Variants in OSBPL10 observed in about 807,000 individuals in gnomAD.
The protein encoded by OSBPL10 is oxysterol-binding protein-related protein 10.
In OSBPL10, 49 loss-of-function variants were observed where a neutral mutation model predicts 81.7. The observed-to-expected ratio is 0.60, with a 90% CI of 0.48 to 0.76. The LOEUF is 0.76. OSBPL10 is among the 30% of genes least tolerant of loss of function. The pLI is 0.00. For missense variants in OSBPL10, 923 were observed against 987.8 expected (o/e 0.93, Z 0.88); for synonymous variants, 419 against 383.6 (o/e 1.09, Z -1.08).
At chr3:31,747,239 A>C (rs935449309) in intron 5 of OSBPL10, among the ~76,000 whole-genome samples, 5 of 151,562 alleles carry the variant, frequency 3.3e-5, no homozygotes, top group African/African-American at 1.2e-4. Flanking sequence ...AATCTCTTGA[A>C]CCCAGGAGGC....
intron 5 of OSBPL10, among the ~76,000 whole-genome samples, chr3:31,744,032 T>C (rs1015578835): frequency 3.9e-5 from 6 of 152,208 alleles, no homozygotes; most frequent in African/African-American, 1.4e-4. Flanking sequence ...CCAACTATGA[T>C]GCTTTTCCTG....
At chr3:32,026,057 T>TAGATAGATGATAGATA (rs58717718) in intron 2 of OSBPL10, among the ~76,000 whole-genome samples, 127 of 111,332 alleles carry the variant, frequency 1.1e-3, no homozygotes, top group African/African-American at 2.6e-3. Flanking sequence ...GATAGATAGA[T>TAGATAGATGATAGATA]GATAGATAGA....
chr3:32,019,945 T>C (rs911149652), intron 2 of OSBPL10, among the ~76,000 whole-genome samples: 3 of 152,170 alleles, frequency 2.0e-5, no homozygotes, highest in African/African-American at 2.4e-5. Flanking sequence ...TGGTTCTAGA[T>C]ATGTGGATCA....
Position 31,830,195 on chromosome 3 carries a change from G to A in OSBPL10, c.574C>T (p.Leu192Phe), listed in dbSNP as rs778450609. ...GCAGAATTGGGTGTTCCATGTGGGA[G>A]CAAAGTGAGACTTCGGCTTCGGGAG... is the stretch of plus-strand genomic sequence containing the variant. ...PSSRSRSLTL[L>F]PHGTPNSASP... is the part of the protein sequence containing the mutation. Residue 192 changes from leucine (L) to phenylalanine (F), a missense_variant, in exon 4 of 12, where the codon CTC (leucine) becomes TTC (phenylalanine). Coordinates refer to ENST00000396556, the MANE Select transcript of OSBPL10 (RefSeq NM_017784.5). 6 of 1,614,058 alleles carry A rather than the reference G, an allele frequency of 3.7e-6. No homozygotes were observed. Among genetic ancestry groups the A allele is most frequent in the Non-Finnish European group, 4.2e-6 (5 of 1,179,964 alleles).
chr3:32,005,888 A>G (rs762991271), intron 2 of OSBPL10, among the ~76,000 whole-genome samples: 3 of 151,122 alleles, frequency 2.0e-5, no homozygotes, highest in African/African-American at 7.3e-5. Flanking sequence ...GCCCAGCCCA[A>G]TGTTTTTGGC....
chr3:31,735,964 A>G (rs1213817006), intron 5 of OSBPL10, among the ~76,000 whole-genome samples: 1 of 152,196 alleles, frequency 6.6e-6, no homozygotes, highest in South Asian at 2.1e-4. Flanking sequence ...ATGATTTAGC[A>G]AAGAGTGTAC....
chr3:31,782,116 T>C (rs1308423237), intron 4 of OSBPL10, among the ~76,000 whole-genome samples: 1 of 152,066 alleles, frequency 6.6e-6, no homozygotes, highest in Admixed American at 6.6e-5. Context: ...CATAGACCAA[T>C]GGAACAAAAT....
chr3:31,671,021 A>G (rs904421688), intron 8 of OSBPL10, 38 bp from the exon 9 acceptor site: 1 of 1,550,886 alleles, frequency 6.4e-7, no homozygotes, highest in Non-Finnish European at 8.8e-7. Flanking sequence ...GCATGCAAAC[A>G]TGTGAAGAGG....
At chr3:32,066,985 T>TA (rs1699785441) in intron 1 of OSBPL10, among the ~76,000 whole-genome samples, 1 of 152,234 alleles carries the variant, frequency 6.6e-6, no homozygotes, top group Non-Finnish European at 1.5e-5. Flanking sequence ...GACAGCATGA[T>TA]AACGAGGCTC....
At chr3:31,897,373 G>T (rs543830688) in intron 1 of OSBPL10, among the ~76,000 whole-genome samples, 19 of 152,014 alleles carry the variant, frequency 1.2e-4, no homozygotes, top group Admixed American at 3.3e-4. Flanking sequence ...ATCAGGACTG[G>T]ATTTTTAAAA....
At chr3:31,960,458 T>C (rs1168225761) in intron 1 of OSBPL10, 1 of 152,208 alleles carries the variant, frequency 6.6e-6, no homozygotes, top group Non-Finnish European at 1.5e-5. Flanking sequence ...ACTGTGGAAA[T>C]GAGATGCAAT....
At chr3:31,728,764 A>C (rs1238246893) in intron 6 of OSBPL10, among the ~76,000 whole-genome samples, 1 of 152,222 alleles carries the variant, frequency 6.6e-6, no homozygotes, top group African/African-American at 2.4e-5. Flanking sequence ...ATAAAGGGGC[A>C]TGAGGGAATC....
intron 3 of OSBPL10, among the ~76,000 whole-genome samples, chr3:31,844,448 T>C (rs1700577554): frequency 6.6e-6 from 1 of 152,164 alleles, no homozygotes; most frequent in Non-Finnish European, 1.5e-5. Context: ...GACAAATCCA[T>C]ACAATGGAAT....
chr3:31,903,785 A>C (rs947381645), intron 1 of OSBPL10, among the ~76,000 whole-genome samples: 2 of 152,182 alleles, frequency 1.3e-5, no homozygotes, highest in African/African-American at 4.8e-5. Context: ...CTGAAAAATA[A>C]GAGTATATAA....
chr3:31,857,870 GA>G (rs1700964826), intron 3 of OSBPL10, among the ~76,000 whole-genome samples: 1 of 121,342 alleles, frequency 8.2e-6, no homozygotes, highest in African/African-American at 3.0e-5. Flanking sequence ...GGGAGAGGGA[GA>G]GGGAAAGGGG....
At chr3:31,926,289 G>GCCCCCGC (rs1697072325) in intron 1 of OSBPL10, among the ~76,000 whole-genome samples, 1 of 130,114 alleles carries the variant, frequency 7.7e-6, no homozygotes, top group Non-Finnish European at 1.6e-5. Flanking sequence ...GGGTGATTTT[G>GCCCCCGC]CCCCCCCAGA....
intron 5 of OSBPL10, among the ~76,000 whole-genome samples, chr3:31,741,046 C>T (rs77243849): frequency 0.064 from 9,661 of 152,056 alleles, 473 homozygotes; most frequent in African/African-American, 0.13. Flanking sequence ...TATCCTTGGC[C>T]TTATTTTAAG....
At position 31,761,827 on chromosome 3, in the gene OSBPL10, A is replaced by AAAAAAAAAC. The variant is rs996116489; in HGVS notation, c.730-13708_730-13707insGTTTTTTTT. 7.6e-4 allele frequency among the ~76,000 whole-genome samples: 113 copies of AAAAAAAAAC among 149,540 alleles called. 1 individual carries two copies. The highest frequency in any genetic ancestry group is 3.4e-3 in the Middle Eastern group (1 of 292). Reference sequence around the variant, plus strand: ...AAGACTGTCTCTAAAAAAAAAAAAAAAAAACCCTAAAGGGAGTCAGAGAGT... The same window carrying AAAAAAAAAC: ...AAGACTGTCTCTAAAAAAAAAAAAAAAAAAAAAACAAAACCCTAAAGGGAGTCAGAGAGT... On this transcript the variant is annotated intron_variant, in intron 4 of 11. Coordinates refer to ENST00000396556, the MANE Select transcript of OSBPL10 (RefSeq NM_017784.5).
intron 3 of OSBPL10, among the ~76,000 whole-genome samples, chr3:31,847,219 CAG>C (rs1201418864): frequency 4.9e-5 from 7 of 141,876 alleles, no homozygotes; most frequent in Non-Finnish European, 9.1e-5. Context: ...TTTAAAAAGA[CAG>C]AATTTCATTT....
Sources: gnomAD v4.1 joint callset for allele counts (sites outside exome capture counted in the v4.1 genomes callset) on GRCh38, gnomAD v4.1.1 for gene constraint, MANE v1.5 for transcripts, NCBI Gene and HGNC (gene_info 2026-07-23, HGNC 2026-07-21) for gene names.